SLC25A24: variants seen among roughly 807,000 people sequenced by gnomAD.
SLC25A24 encodes solute carrier family 25 member 24.
A neutral mutation model predicts 60.7 loss-of-function variants in SLC25A24; 49 were observed. The ratio of observed to expected loss-of-function variants is 0.81; its 90% CI spans 0.64 to 1.02. SLC25A24 has a LOEUF of 1.02. Among genes scored for constraint, SLC25A24 ranks in the 50% least tolerant of loss-of-function variants. The pLI, the probability that SLC25A24 is intolerant of heterozygous loss-of-function variation, is 0.00. For missense variants in SLC25A24, 564 were observed against 586.3 expected (o/e 0.96, Z 0.39); for synonymous variants, 202 against 200.6 (o/e 1.01, Z -0.06).
chr1:108,166,890 T>A (rs1434027667), intron 3 of SLC25A24, among the ~76,000 whole-genome samples: 5 of 152,014 alleles, frequency 3.3e-5, no homozygotes, highest in African/African-American at 1.2e-4. Flanking sequence ...TTTCCAGTTT[T>A]TCTGCTCTGT....
At chr1:108,163,342 G>T (rs1656907189) in intron 3 of SLC25A24, among the ~76,000 whole-genome samples, 1 of 146,482 alleles carries the variant, frequency 6.8e-6, no homozygotes, top group South Asian at 2.2e-4. Flanking sequence ...AAAGTCATTG[G>T]TAGCTTGATG....
At chr1:108,151,225 AAAAAAAAC>A (rs897882437) in intron 6 of SLC25A24, among the ~76,000 whole-genome samples, 6 of 151,778 alleles carry the variant, frequency 4.0e-5, no homozygotes, top group Middle Eastern at 3.4e-3. Context: ...ATACAAACAG[AAAAAAAAC>A]AAAAAAACAA....
Position 108,136,846 on chromosome 1 carries a change from TA to T in SLC25A24, c.1250-10del, listed in dbSNP as rs765813497. On this transcript the variant is annotated splice_polypyrimidine_tract_variant and intron_variant, in intron 9 of 9. Transcript: ENST00000565488. ...GGAACCTTCTAACATGGCTAAAAAA[TA>T]AAAAAAGAGGGTAATTTAATATTCA... 3 of 1,603,630 alleles carry T rather than the reference TA, an allele frequency of 1.9e-6. No individual in the cohort carries two copies. The highest frequency in any genetic ancestry group is 1.1e-5 in the South Asian group (1 of 89,486).
At chr1:108,163,830 C>A (rs1338501587) in intron 3 of SLC25A24, among the ~76,000 whole-genome samples, 1 of 151,998 alleles carries the variant, frequency 6.6e-6, no homozygotes, top group Non-Finnish European at 1.5e-5. Flanking sequence ...AACACTATGT[C>A]GAATAGGAGT....
At position 108,182,032 on chromosome 1, in the gene SLC25A24, T is replaced by TA. The variant is rs779902934; in HGVS notation, c.311-5dup. ...ATTTCTGAAGCCTCAATTTTTCCTT[T>TA]AAAAAAATAAAAAGGGCAAAAAATA... On this transcript the variant is annotated splice_region_variant and splice_polypyrimidine_tract_variant and intron_variant, in intron 2 of 9. Transcript: ENST00000565488. 4 of 1,579,996 alleles carry TA rather than the reference T, an allele frequency of 2.5e-6. No individual in the cohort carries two copies. In the African/African-American group the frequency reaches 4.1e-5, roughly 16 times the overall value.
intron 3 of SLC25A24, among the ~76,000 whole-genome samples, chr1:108,165,422 G>C (rs1301945343): frequency 2.1e-5 from 1 of 47,770 alleles, no homozygotes; most frequent in African/African-American, 6.7e-5. Context: ...TAATGTGTGG[G>C]AGTTTAAGTC....
rs541673204 is a variant in SLC25A24, at chr1:108,168,002, C to T, written c.399-6709G>A. ...CTGTTTTATTCCCTTCCTTGGGCCA[C>T]CTCTTACAGCTGCTGGCACAAAGAA... On this transcript the variant is annotated intron_variant, in intron 3 of 9. Transcript: ENST00000565488. 5.3e-5 allele frequency among the ~76,000 whole-genome samples: 8 copies of T among 152,274 alleles called. No individual in the cohort carries two copies. The South Asian group carries it at 1.7e-3, about 32-fold the overall frequency.
chr1:108,147,049 T>A (rs576388596), intron 7 of SLC25A24, among the ~76,000 whole-genome samples: 2 of 152,294 alleles, frequency 1.3e-5, no homozygotes, highest in Non-Finnish European at 2.9e-5. Context: ...GGTCCTGGGT[T>A]TTTTTTGGTT....
chr1:108,193,582 G>A (rs1648412168), intron 1 of SLC25A24, among the ~76,000 whole-genome samples: 1 of 139,688 alleles, frequency 7.2e-6, no homozygotes, highest in Non-Finnish European at 1.6e-5. Context: ...CCAATCTGCT[G>A]CTGATGGGTA....
intron 4 of SLC25A24, among the ~76,000 whole-genome samples, chr1:108,159,009 AC>A (rs1454707100): frequency 1.3e-5 from 2 of 152,180 alleles, no homozygotes; most frequent in African/African-American, 4.8e-5. Context: ...TCTCAAAAAA[AC>A]AAAACAAAAA....
Position 108,181,956 on chromosome 1 carries a change from T to C in SLC25A24, c.383A>G (p.Glu128Gly). 2 of 1,610,800 alleles carry C rather than the reference T, an allele frequency of 1.2e-6. No homozygotes were observed. The highest frequency in any genetic ancestry group is 1.7e-6 in the Non-Finnish European group (2 of 1,177,424). ...LGLTISEQQA[E>G]LILQSIDVDG... is the part of the protein sequence containing the mutation. The stretch of plus-strand genomic sequence containing the variant: ...AAGAGCTTACCTTTGAAGAATCAAC[T>C]CTGCTTGTTGTTCAGAAATAGTCAG... Residue 128 changes from glutamate (E) to glycine (G), a missense_variant, in exon 3 of 10, where the codon GAG becomes GGG. Physicochemically the swap from Glu to Gly is moderately conservative, Grantham distance 98. Coordinates refer to ENST00000565488, the MANE Select transcript of SLC25A24 (RefSeq NM_013386.5).
Position 108,143,603 on chromosome 1 carries a change from G to C in SLC25A24, c.1038C>G (p.Gly346=), listed in dbSNP as rs768823205. 1.9e-6 allele frequency: 3 copies of C among 1,613,714 alleles called. No homozygotes were observed. The South Asian group carries it at 3.3e-5, about 18-fold the overall frequency. ...KHEGLGAFYK[G]YVPNLLGIIP... ...TGATACCTAATAAATTGGGAACATA[G>C]CCTTTGTAAAAAGCTCCCAAGCCTT... The change falls in exon 8 of 10, where the codon GGC becomes GGG. Residue 346 remains glycine (G), a synonymous_variant. Coordinates refer to ENST00000565488, the MANE Select transcript of SLC25A24 (RefSeq NM_013386.5).
At chr1:108,144,253 C>CTGCTTT (rs1679524282) in intron 7 of SLC25A24, among the ~76,000 whole-genome samples, 2 of 152,132 alleles carry the variant, frequency 1.3e-5, no homozygotes, top group African/African-American at 4.8e-5. Flanking sequence ...CTTAAGTCAT[C>CTGCTTT]AGTTACTAAA....
intron 1 of SLC25A24, among the ~76,000 whole-genome samples, chr1:108,188,513 G>A (rs189034074): frequency 1.4e-4 from 22 of 152,316 alleles, no homozygotes; most frequent in Non-Finnish European, 2.9e-4. Flanking sequence ...ACAGCATTCT[G>A]TGGCGCCATT....
rs868082504 is a variant in SLC25A24 at position 108,168,443 on chromosome 1, G to A, written c.399-7150C>T. ...AATTTCATTCAAAGTTATAACCAAG[G>A]TTTCTAAAACAGTGCCTGCCACTGA... On this transcript the variant is annotated intron_variant, in intron 3 of 9. Transcript: ENST00000565488. Among the ~76,000 whole-genome samples, 47 of 151,954 alleles carry A rather than the reference G, an allele frequency of 3.1e-4. 1 individual carries two copies. The highest frequency in any genetic ancestry group is 3.4e-3 in the Middle Eastern group (1 of 294).
rs909700398 is a variant in SLC25A24, at chr1:108,193,284, A to G, written c.183+6672T>C. Among the ~76,000 whole-genome samples, 7 of 138,392 alleles carry G rather than the reference A, an allele frequency of 5.1e-5. 2 individuals are homozygous for G. The East Asian group carries it at 1.9e-3, about 37-fold the overall frequency. The allele number at this position is 138,392 out of a possible 152,430, so 90.8% of individuals were successfully genotyped here. A position where few individuals can be genotyped will look rare whatever the true frequency, so the allele number is the denominator to read the frequency against. ...TGAGCTCCTAATCGTGCCATCACCC[A>G]GGTTGTGAACAAAGTACCCAGTAGG... is the stretch of plus-strand genomic sequence containing the variant. On this transcript the variant is annotated intron_variant, in intron 1 of 9. Transcript: ENST00000565488.
In SLC25A24 at chr1:108,187,922, T is replaced by TTA. The variant is rs1470627510; in HGVS notation, c.184-1970_184-1969dup. Among the ~76,000 whole-genome samples, 9 of 51,086 alleles carry TTA rather than the reference T, an allele frequency of 1.8e-4. 1 individual carries two copies. The highest frequency in any genetic ancestry group is 6.9e-4 in the African/African-American group (8 of 11,522). The allele number at this position is 51,086 out of a possible 152,430, so 33.5% of individuals were successfully genotyped here. On this transcript the variant is annotated intron_variant, in intron 1 of 9. Coordinates refer to ENST00000565488, the MANE Select transcript of SLC25A24 (RefSeq NM_013386.5). ...CATAATACACGAAATGGATAAGACA[T>TTA]TATAGATATATATATATATATATTC...
At chr1:108,184,692 A>G (rs1339942242) in intron 2 of SLC25A24, among the ~76,000 whole-genome samples, 2 of 152,214 alleles carry the variant, frequency 1.3e-5, no homozygotes, top group Non-Finnish European at 2.9e-5. Flanking sequence ...ATTCATTTAC[A>G]TATTATCCAT....
intron 5 of SLC25A24, among the ~76,000 whole-genome samples, chr1:108,156,038 G>A (rs759242183): frequency 2.6e-5 from 4 of 151,990 alleles, no homozygotes; most frequent in African/African-American, 7.3e-5. Context: ...ATGAAAACGG[G>A]CCCCAATAAG....
Sources: gnomAD v4.1 joint callset for allele counts (sites outside exome capture counted in the v4.1 genomes callset) on GRCh38, gnomAD v4.1.1 for gene constraint, MANE v1.5 for transcripts, NCBI Gene and HGNC (gene_info 2026-07-23, HGNC 2026-07-21) for gene names.